The following GNA13 variants were observed in gnomAD, a reference collection of about 807,000 sequenced individuals.
GNA13 encodes the protein G protein subunit alpha 13, also known as guanine nucleotide-binding protein subunit alpha-13.
Under a neutral mutation model 33.5 loss-of-function variants are expected in GNA13, and 4 were observed. The ratio of observed to expected loss-of-function variants is 0.12; its 90% CI spans 0.06 to 0.27. The LOEUF (loss-of-function observed/expected upper bound fraction) is 0.27, where lower values mean the gene tolerates loss of function less well. Among genes scored for constraint, GNA13 ranks in the 10% least tolerant of loss-of-function variants. The pLI is 1.00. For synonymous variants in GNA13, 176 were observed against 183.8 expected (o/e 0.96, Z 0.34); for missense variants, 319 against 487.2 (o/e 0.65, Z 3.25).
chr17:65,033,715 G>C (rs1907139173), intron 2 of GNA13, among the ~76,000 whole-genome samples: 1 of 151,954 alleles, frequency 6.6e-6, no homozygotes, highest in South Asian at 2.1e-4. Flanking sequence ...ATGTACATCA[G>C]TTAAAATTTT....
chr17:65,030,341 T>C (rs1906956570), intron 2 of GNA13, among the ~76,000 whole-genome samples: 1 of 152,246 alleles, frequency 6.6e-6, no homozygotes, highest in South Asian at 2.1e-4. Context: ...GATCTCCAGA[T>C]GCTGGTGAAG....
intron 2 of GNA13, among the ~76,000 whole-genome samples, chr17:65,030,457 A>C (rs1906961699): frequency 6.6e-6 from 1 of 152,242 alleles, no homozygotes; most frequent in African/African-American, 2.4e-5. Context: ...TGATAATGAG[A>C]ATGTTAGGTA....
At chr17:65,020,846 T>TC (rs1906556731) in intron 2 of GNA13, among the ~76,000 whole-genome samples, 1 of 152,090 alleles carries the variant, frequency 6.6e-6, no homozygotes, top group Non-Finnish European at 1.5e-5. Context: ...AGACAGGGTT[T>TC]CCCCATGTTG....
At chr17:65,023,411 T>G (rs1356019538) in intron 2 of GNA13, among the ~76,000 whole-genome samples, 4 of 152,206 alleles carry the variant, frequency 2.6e-5, no homozygotes, top group African/African-American at 7.2e-5. Flanking sequence ...CGCTAAAGTT[T>G]TACTGACTTT....
chr17:65,036,475 G>A (rs1907252483), intron 2 of GNA13, among the ~76,000 whole-genome samples: 1 of 152,216 alleles, frequency 6.6e-6, no homozygotes, highest in African/African-American at 2.4e-5. Context: ...GGAGACCAAG[G>A]TGGGTGAATT....
At chr17:65,038,608 CG>C (rs997303248) in intron 2 of GNA13, among the ~76,000 whole-genome samples, 1 of 151,860 alleles carries the variant, frequency 6.6e-6, no homozygotes, top group East Asian at 1.9e-4. Context: ...GACGGGGTTG[CG>C]GGGGGGCGTT....
chr17:65,021,102 A>C (rs1488000251), intron 2 of GNA13, among the ~76,000 whole-genome samples: 2 of 152,210 alleles, frequency 1.3e-5, no homozygotes, highest in Non-Finnish European at 2.9e-5. Context: ...GCTGAAGAGT[A>C]AAAGTAGCAT....
Position 65,014,766 on chromosome 17 carries a change from A to G in GNA13, c.625T>C (p.Tyr209His). ...GGAACATTTTTTATTTCAAAGTCGT[A>G]TTCATGGATGCCTTTGGTGGGTCTT... Reference protein sequence around the residue: ...ARRPTKGIHEYDFEIKNVPFK... With the variant: ...ARRPTKGIHEHDFEIKNVPFK... The change falls in exon 4 of 4, where the codon TAC becomes CAC. Residue 209 changes from tyrosine (Y) to histidine (H), a missense_variant. This residue lies in a region of GNA13 where 134 missense variants were observed against 241.3 expected (regional missense o/e 0.56). Transcript: ENST00000439174. The surrounding 1 kb of genome is among the most constrained non-coding windows in gnomAD (Gnocchi z 5.3). The G allele has an allele frequency of 6.2e-7, 1 of 1,613,506 alleles. No individual in the cohort carries two copies. Among genetic ancestry groups the G allele is most frequent in the East Asian group, 2.2e-5 (1 of 44,870 alleles).
At chr17:65,049,288 G>C (rs1032940704) in intron 2 of GNA13, among the ~76,000 whole-genome samples, 5 of 151,842 alleles carry the variant, frequency 3.3e-5, no homozygotes, top group Non-Finnish European at 7.4e-5. Flanking sequence ...TTTTGGTTTT[G>C]GTTTTGGTTT....
chr17:65,034,127 A>C (rs190749773), intron 2 of GNA13, among the ~76,000 whole-genome samples: 8 of 152,070 alleles, frequency 5.3e-5, no homozygotes, highest in Admixed American at 1.3e-4. Context: ...TTCCAGACCA[A>C]TGTAAGACAG....
intron 2 of GNA13, among the ~76,000 whole-genome samples, chr17:65,037,864 A>G (rs1001202255): frequency 2.6e-5 from 4 of 151,700 alleles, no homozygotes; most frequent in African/African-American, 9.7e-5. Flanking sequence ...GAGTAATCAT[A>G]TCAGAAAAAT....
intron 2 of GNA13, among the ~76,000 whole-genome samples, chr17:65,034,930 C>T (rs3960378): frequency 0.85 from 129,450 of 152,124 alleles, 59,060 homozygotes; most frequent in East Asian, 1. Flanking sequence ...GGATTACAGG[C>T]ATGTAACACC....
chr17:65,049,323 G>A (rs1001787409), intron 2 of GNA13, among the ~76,000 whole-genome samples: 2 of 152,110 alleles, frequency 1.3e-5, no homozygotes, highest in Non-Finnish European at 2.9e-5. Context: ...GTTTCACCAT[G>A]TCAGCCAGGC....
intron 2 of GNA13, among the ~76,000 whole-genome samples, chr17:65,043,033 G>T (rs997470648): frequency 6.6e-6 from 1 of 151,964 alleles, no homozygotes; most frequent in African/African-American, 2.4e-5. Context: ...TCATGTCCTC[G>T]TCACAATAGT....
rs1470045895 is a variant in GNA13 at position 65,012,922 on chromosome 17, T to G, written c.*1335A>C. The G allele has an allele frequency of 4.5e-6, 1 of 222,002 alleles. No homozygotes were observed. The highest frequency in any genetic ancestry group is 9.0e-6 in the Non-Finnish European group (1 of 111,120). 13.8% of individuals were successfully genotyped at this position (222,002 alleles called of 1,614,324 possible). ...TATTTCAGTACTGCAAACCAGCCAT[T>G]CTGATGAGTTCACTATGAATGTATC... On this transcript the variant is annotated 3_prime_UTR_variant, in exon 4 of 4. Transcript: ENST00000439174.
chr17:65,028,434 C>T (rs1906884296), intron 2 of GNA13, among the ~76,000 whole-genome samples: 1 of 151,100 alleles, frequency 6.6e-6, no homozygotes, highest in Non-Finnish European at 1.5e-5. Context: ...AAAATACCAC[C>T]TACCATATAA....
chr17:65,044,687 T>C (rs562104145), intron 2 of GNA13, among the ~76,000 whole-genome samples: 7 of 150,780 alleles, frequency 4.6e-5, no homozygotes, highest in African/African-American at 7.3e-5. Flanking sequence ...AATTGCAATC[T>C]CGAGTGCTCA....
chr17:65,018,754 T>C (rs1008800024), intron 2 of GNA13, among the ~76,000 whole-genome samples: 4 of 152,156 alleles, frequency 2.6e-5, no homozygotes, highest in Non-Finnish European at 2.9e-5. Flanking sequence ...GTAAGAATAC[T>C]GTACAAAATC....
chr17:65,030,733 T>C (rs976568031), intron 2 of GNA13, among the ~76,000 whole-genome samples: 1 of 152,196 alleles, frequency 6.6e-6, no homozygotes, highest in South Asian at 2.1e-4. Context: ...CCAATTTTGG[T>C]TGGGCATGGC....
Sources: allele counts gnomAD v4.1 joint callset (sites outside exome capture counted in the v4.1 genomes callset), GRCh38; gene constraint gnomAD v4.1.1; regional missense constraint gnomAD v4.1.1; non-coding constraint Gnocchi (gnomAD v3.1); transcripts MANE v1.5; gene names NCBI Gene and HGNC (gene_info 2026-07-23, HGNC 2026-07-21).